The following PLLP variants were observed in gnomAD, a reference collection of about 807,000 sequenced individuals.
PLLP encodes plasma membrane proteolipid (plasmolipin).
PLLP carries 15 observed loss-of-function variants against 19.7 expected under a neutral mutation model. That is an observed-to-expected ratio of 0.76 (90% confidence interval 0.51 to 1.17). The LOEUF (loss-of-function observed/expected upper bound fraction) is 1.17, where lower values mean the gene tolerates loss of function less well. Among genes scored for constraint, PLLP ranks in the 50% most tolerant of loss-of-function variants. PLLP has a pLI of 0.00. For missense variants in PLLP, 255 were observed against 258.3 expected (o/e 0.99, Z 0.09); for synonymous variants, 111 against 116.3 (o/e 0.95, Z 0.29).
chr16:57,257,873 C>G (rs1216338570), intron 3 of PLLP, among the ~76,000 whole-genome samples: 1 of 152,128 alleles, frequency 6.6e-6, no homozygotes, highest in African/African-American at 2.4e-5. Context: ...AGCTGATTTA[C>G]AACAAGGTTC....
chr16:57,278,159 G>C (rs1481113886), intron 1 of PLLP, among the ~76,000 whole-genome samples: 1 of 152,116 alleles, frequency 6.6e-6, no homozygotes, highest in South Asian at 2.1e-4. Flanking sequence ...GGCCAACATG[G>C]TGAAGCCCCG....
chr16:57,275,038 G>A (rs1298573796), intron 1 of PLLP, among the ~76,000 whole-genome samples: 1 of 152,028 alleles, frequency 6.6e-6, no homozygotes, highest in African/African-American at 2.4e-5. Flanking sequence ...TGGGTTTCAG[G>A]CGTGAGCCAC....
rs1901261400 is a variant in PLLP, at chr16:57,284,520, T to A, written c.21A>T (p.Lys7Asn). Residue 7 changes from lysine to asparagine, a missense_variant, in exon 1 of 4, where the codon AAA becomes AAT. By Grantham distance (94) the Lys-to-Asn change is moderately conservative. Transcript: ENST00000219207. MAEFPS[K>N]VSTRTSSPAQ... ...CAGGACTGCTGGTCCGCGTGCTAACTTTCGACGGGAACTCGGCCATGGCGG... is the reference window on the plus strand; with the variant it reads ...CAGGACTGCTGGTCCGCGTGCTAACATTCGACGGGAACTCGGCCATGGCGG... 2 of 1,391,864 alleles carry A rather than the reference T, an allele frequency of 1.4e-6. No homozygotes were observed. The highest frequency in any genetic ancestry group is 1.9e-6 in the Non-Finnish European group (2 of 1,062,970). The allele number at this position is 1,391,864 out of a possible 1,614,324, so 86.2% of individuals were successfully genotyped here.
At chr16:57,257,050 G>A in intron 3 of PLLP, 21 bp from the exon 4 acceptor site, 9 of 1,546,694 alleles carry the variant, frequency 5.8e-6, no homozygotes, top group Non-Finnish European at 6.3e-6. Flanking sequence ...GGTGAGAAGG[G>A]CTTAAGGACC....
Position 57,271,877 on chromosome 16 carries a change from C to T in PLLP, c.136-9807G>A, listed in dbSNP as rs528517515. ...ACTCGCAGGTGGGATCTCAGAAACTCAGAGCTCCCTGCCTGCCAGTCCCCT... is the reference window on the plus strand; with the variant it reads ...ACTCGCAGGTGGGATCTCAGAAACTTAGAGCTCCCTGCCTGCCAGTCCCCT... On this transcript the variant is annotated intron_variant, in intron 1 of 3. Transcript: ENST00000219207. Among the ~76,000 whole-genome samples the T allele has an allele frequency of 2.0e-5, 3 of 152,128 alleles. No homozygotes were observed. The East Asian group carries it at 5.8e-4, about 30-fold the overall frequency.
intron 1 of PLLP, among the ~76,000 whole-genome samples, chr16:57,283,529 A>G (rs1349179329): frequency 6.6e-6 from 1 of 152,200 alleles, no homozygotes; most frequent in Non-Finnish European, 1.5e-5. Context: ...TCCTCTGAAA[A>G]TGTATCAGGC....
In PLLP at chr16:57,258,634, AAG is replaced by A. The variant is rs754179266; in HGVS notation, c.310-52_310-51del. ...GGGGAGAGAAAAGGCTTAAGACACA[AAG>A]AGAGGCCAGACACGGTGGTTCACAC... On this transcript the variant is annotated intron_variant, in intron 2 of 3. Transcript: ENST00000219207. 16 of 1,590,982 alleles carry A rather than the reference AAG, an allele frequency of 1.0e-5. No homozygotes were observed. In the South Asian group the frequency reaches 1.7e-4, roughly 16 times the overall value.
chr16:57,262,653 T>C (rs1404286316), intron 1 of PLLP, among the ~76,000 whole-genome samples: 4 of 152,060 alleles, frequency 2.6e-5, no homozygotes, highest in African/African-American at 9.7e-5. Flanking sequence ...GAGGATCACA[T>C]GGGCCCAGGA....
At chr16:57,259,994 A>G (rs1253874224) in intron 2 of PLLP, among the ~76,000 whole-genome samples, 1 of 151,450 alleles carries the variant, frequency 6.6e-6, no homozygotes, top group African/African-American at 2.4e-5. Flanking sequence ...AAAAAAAAAA[A>G]CTTAGGATAT....
intron 1 of PLLP, 71 bp downstream of exon 1, chr16:57,284,335 C>A: frequency 8.1e-7 from 1 of 1,237,906 alleles, no homozygotes; most frequent in South Asian, 2.3e-5. Flanking sequence ...AACGCAGCGC[C>A]GGAGTCCCTC....
chr16:57,259,932 G>A (rs577227725), intron 2 of PLLP, among the ~76,000 whole-genome samples: 12 of 150,926 alleles, frequency 8.0e-5, no homozygotes, highest in Admixed American at 2.0e-4. Flanking sequence ...AGCTAAGATC[G>A]TGCCACTGCA....
rs561552572 is a variant in PLLP, at chr16:57,271,078, G to A, written c.136-9008C>T. 5.9e-5 allele frequency among the ~76,000 whole-genome samples: 9 copies of A among 152,270 alleles called. No homozygotes were observed. The East Asian group carries it at 1.5e-3, about 26-fold the overall frequency. On this transcript the variant is annotated intron_variant, in intron 1 of 3. Transcript: ENST00000219207. ...GGCAGGAGGACGATGCTGGAGGTGG[G>A]GGCTCAGACCTGGTCCTCCTCCAAG...
At chr16:57,262,532 A>G (rs2075445037) in intron 1 of PLLP, among the ~76,000 whole-genome samples, 1 of 147,220 alleles carries the variant, frequency 6.8e-6, no homozygotes, top group African/African-American at 2.5e-5. Flanking sequence ...AGCCTGGGAG[A>G]CAAAAGTGAA....
At chr16:57,261,831 ACTT>A (rs1434162453) in intron 2 of PLLP, 63 bp downstream of exon 2, 3 of 1,467,692 alleles carry the variant, frequency 2.0e-6, no homozygotes, top group Non-Finnish European at 2.9e-6. Flanking sequence ...ACACCCTGCC[ACTT>A]CTTCTAGGGA....
intron 2 of PLLP, among the ~76,000 whole-genome samples, chr16:57,259,175 G>A (rs1255890992): frequency 6.6e-6 from 1 of 152,144 alleles, no homozygotes; most frequent in Non-Finnish European, 1.5e-5. Flanking sequence ...TCAGTGATGG[G>A]GTAGTGGCAG....
At chr16:57,283,820 G>A (rs1213669530) in intron 1 of PLLP, among the ~76,000 whole-genome samples, 1 of 152,248 alleles carries the variant, frequency 6.6e-6, no homozygotes, top group Non-Finnish European at 1.5e-5. Context: ...CGGCTCCCGC[G>A]CGGGCGCCCA....
chr16:57,258,410 C>T, intron 3 of PLLP, 52 bp downstream of exon 3: 2 of 1,590,226 alleles, frequency 1.3e-6, no homozygotes, highest in East Asian at 2.2e-5. Flanking sequence ...CAGCCTGAGT[C>T]CTGGGGCTGA....
chr16:57,281,279 C>T (rs1901215258), intron 1 of PLLP, among the ~76,000 whole-genome samples: 1 of 139,788 alleles, frequency 7.2e-6, no homozygotes, highest in African/African-American at 2.9e-5. Flanking sequence ...AAGAACTGGC[C>T]TCTGAGCCTC....
chr16:57,269,336 T>A (rs2146444249), intron 1 of PLLP, among the ~76,000 whole-genome samples: 1 of 152,314 alleles, frequency 6.6e-6, no homozygotes, highest in East Asian at 1.9e-4. Flanking sequence ...CAGACCTTTG[T>A]GGGCTCACTG....
Sources: allele counts gnomAD v4.1 joint callset (sites outside exome capture counted in the v4.1 genomes callset), GRCh38; gene constraint gnomAD v4.1.1; transcripts MANE v1.5; gene names NCBI Gene and HGNC (gene_info 2026-07-23, HGNC 2026-07-21).